Variants in GRIA4 observed in about 807,000 individuals in gnomAD.
The protein encoded by GRIA4 is glutamate ionotropic receptor AMPA type subunit 4.
A neutral mutation model predicts 104.0 loss-of-function variants in GRIA4; 34 were observed. That is an observed-to-expected ratio of 0.33 (90% CI 0.25 to 0.44). The LOEUF is 0.44. Ranked by LOEUF, GRIA4 falls within the 20% of genes least tolerant of loss-of-function variation. The pLI, the probability that GRIA4 is intolerant of heterozygous loss-of-function variation, is 1.00. For missense variants in GRIA4, 750 were observed against 1,096.5 expected (o/e 0.68, Z 4.46); for synonymous variants, 386 against 381.9 (o/e 1.01, Z -0.13).
At chr11:105,913,195 C>A in intron 10 of GRIA4, 1 of 369,322 alleles carries the variant, frequency 2.7e-6, no homozygotes, top group Non-Finnish European at 3.7e-6. Flanking sequence ...AAAAATCCTG[C>A]ACTCAATGAA....
At chr11:105,742,080 G>A (rs1029420959) in intron 3 of GRIA4, among the ~76,000 whole-genome samples, 10 of 152,100 alleles carry the variant, frequency 6.6e-5, no homozygotes, top group Admixed American at 6.5e-4. Flanking sequence ...TCATGTGGCA[G>A]TTAGTGTGTT....
intron 4 of GRIA4, among the ~76,000 whole-genome samples, chr11:105,794,628 T>A (rs1215664306): frequency 3.5e-5 from 5 of 144,488 alleles, no homozygotes; most frequent in South Asian, 2.2e-4. Context: ...AGAGAGAGAG[T>A]TATGGTTGTG....
At chr11:105,740,318 A>G (rs1939225380) in intron 3 of GRIA4, among the ~76,000 whole-genome samples, 1 of 152,222 alleles carries the variant, frequency 6.6e-6, no homozygotes, top group Non-Finnish European at 1.5e-5. Flanking sequence ...GATCCACTGC[A>G]GAAACAGAAA....
Position 105,918,738 on chromosome 11 carries a change from A to G in GRIA4, c.1296A>G (p.Lys432=). 1 of 1,577,554 alleles carries G rather than the reference A, an allele frequency of 6.3e-7. No individual in the cohort carries two copies. Residue 432 remains lysine (K), a synonymous_variant, in exon 11 of 17, where the codon AAA becomes AAG. Coordinates refer to ENST00000282499, the MANE Select transcript of GRIA4 (RefSeq NM_000829.4). Reference sequence around the variant, plus strand: ...AATCCCCATATGTTATGTACAAGAAAAATCATGAAATGTTTGAAGGAAATG... The same window carrying G: ...AATCCCCATATGTTATGTACAAGAAGAATCATGAAATGTTTGAAGGAAATG... ...IMESPYVMYK[K]NHEMFEGNDK...
intron 3 of GRIA4, among the ~76,000 whole-genome samples, chr11:105,685,520 T>G (rs1254352615): frequency 6.6e-6 from 1 of 152,192 alleles, no homozygotes; most frequent in African/African-American, 2.4e-5. Flanking sequence ...TTCAGTCTAC[T>G]AAAAGAGTGC....
At chr11:105,871,984 G>A (rs1430210155) in intron 5 of GRIA4, among the ~76,000 whole-genome samples, 1 of 152,066 alleles carries the variant, frequency 6.6e-6, no homozygotes, top group East Asian at 1.9e-4. Context: ...AGTCAGAAAT[G>A]TATGTGAAAG....
At chr11:105,745,593 TAA>T (rs991291003) in intron 3 of GRIA4, among the ~76,000 whole-genome samples, 29 of 152,318 alleles carry the variant, frequency 1.9e-4, no homozygotes, top group African/African-American at 6.3e-4. Context: ...ACAATCCTCA[TAA>T]GTTTACCTCT....
intron 6 of GRIA4, among the ~76,000 whole-genome samples, chr11:105,891,890 C>T (rs963816123): frequency 6.6e-6 from 1 of 152,096 alleles, no homozygotes; most frequent in Non-Finnish European, 1.5e-5. Flanking sequence ...AGTCCTTATC[C>T]CTATTCTTTA....
At chr11:105,693,017 A>C (rs1953145096) in intron 3 of GRIA4, among the ~76,000 whole-genome samples, 1 of 152,246 alleles carries the variant, frequency 6.6e-6, no homozygotes, top group African/African-American at 2.4e-5. Flanking sequence ...TATCTGCCTC[A>C]GATTTTACTG....
At chr11:105,784,824 A>G (rs1030771500) in intron 4 of GRIA4, among the ~76,000 whole-genome samples, 1 of 152,216 alleles carries the variant, frequency 6.6e-6, no homozygotes, top group Non-Finnish European at 1.5e-5. Flanking sequence ...CCCTTTTGCA[A>G]AGAAAAAAAT....
At chr11:105,875,341 T>C (rs959657619) in intron 5 of GRIA4, among the ~76,000 whole-genome samples, 4 of 152,238 alleles carry the variant, frequency 2.6e-5, no homozygotes, top group Non-Finnish European at 5.9e-5. Context: ...GATTTTCGCA[T>C]TGATGTTCAT....
intron 4 of GRIA4, chr11:105,797,957 CTATGTATTCATT>C (rs1942556864): frequency 2.7e-6 from 1 of 375,136 alleles, no homozygotes; most frequent in South Asian, 2.0e-5. Context: ...TCTGCCTCAT[CTATGTATTCATT>C]TATTGAGCAA....
intron 4 of GRIA4, among the ~76,000 whole-genome samples, chr11:105,774,877 C>A (rs1251690605): frequency 1.3e-5 from 2 of 152,144 alleles, no homozygotes; most frequent in Non-Finnish European, 2.9e-5. Context: ...TATTAGTTTT[C>A]TATGGATGCT....
chr11:105,734,297 C>G (rs953347465), intron 3 of GRIA4, among the ~76,000 whole-genome samples: 1 of 151,946 alleles, frequency 6.6e-6, no homozygotes, highest in South Asian at 2.1e-4. Flanking sequence ...GTAAATTTTG[C>G]CTAACACTCA....
At chr11:105,875,327 T>C (rs184055159) in intron 5 of GRIA4, among the ~76,000 whole-genome samples, 95 of 152,342 alleles carry the variant, frequency 6.2e-4, no homozygotes, top group African/African-American at 2.0e-3. Flanking sequence ...AGTATTTTAA[T>C]GAGGATTTTC....
At chr11:105,965,916 T>A (rs1325866974) in intron 14 of GRIA4, 1 of 1,447,932 alleles carries the variant, frequency 6.9e-7, no homozygotes, top group South Asian at 1.2e-5. Flanking sequence ...AGCTGTGCAG[T>A]TTCTTACAAA....
intron 3 of GRIA4, among the ~76,000 whole-genome samples, chr11:105,681,647 C>A (rs777740538): frequency 6.6e-6 from 1 of 151,994 alleles, no homozygotes; most frequent in Non-Finnish European, 1.5e-5. Flanking sequence ...ATTTTCATGA[C>A]TTCATATGAA....
chr11:105,924,353 T>G, intron 11 of GRIA4, 46 bp from the exon 12 acceptor site: 8 of 1,444,278 alleles, frequency 5.5e-6, no homozygotes, highest in Non-Finnish European at 7.5e-6. Context: ...AATTGCTTCA[T>G]GAAATTCATT....
chr11:105,924,114 G>A (rs970341176), intron 11 of GRIA4, among the ~76,000 whole-genome samples: 1 of 152,046 alleles, frequency 6.6e-6, no homozygotes, highest in Non-Finnish European at 1.5e-5. Flanking sequence ...GACTAATACA[G>A]TAATTTGAGT....
Sources: gnomAD v4.1 joint callset for allele counts (sites outside exome capture counted in the v4.1 genomes callset) on GRCh38, gnomAD v4.1.1 for gene constraint, MANE v1.5 for transcripts, NCBI Gene and HGNC (gene_info 2026-07-23, HGNC 2026-07-21) for gene names.